HIPK3: variants seen among roughly 807,000 people sequenced by gnomAD.
HIPK3 encodes homeodomain interacting protein kinase 3.
Under a neutral mutation model 124.2 loss-of-function variants are expected in HIPK3, and 47 were observed. That is an observed-to-expected ratio of 0.38 (90% CI 0.30 to 0.48). The LOEUF (loss-of-function observed/expected upper bound fraction) is 0.48, where lower values mean the gene tolerates loss of function less well. Among genes scored for constraint, HIPK3 ranks in the 20% least tolerant of loss-of-function variants. The pLI is 0.98. For missense variants in HIPK3, 1,286 were observed against 1,454.3 expected (o/e 0.88, Z 1.88); for synonymous variants, 482 against 515.2 (o/e 0.94, Z 0.87).
rs781659761 is a variant in HIPK3, at chr11:33,353,167, A to G, written c.3247A>G (p.Thr1083Ala). 2 of 1,613,970 alleles carry G rather than the reference A, an allele frequency of 1.2e-6. No individual in the cohort carries two copies. Among genetic ancestry groups the G allele is most frequent in the Non-Finnish European group, 8.5e-7 (1 of 1,179,964 alleles). Reference protein sequence around the residue: ...GHRRQQAYIPTSVTSNPFTLS... With the variant: ...GHRRQQAYIPASVTSNPFTLS... ...CAGAAGACAGCAAGCTTATATTCCT[A>G]CTAGTGTTACCAGTAATCCATTCAC... Residue 1083 changes from threonine to alanine, a missense_variant, in exon 17 of 17, where the codon ACT becomes GCT. This residue lies in a region of HIPK3 where 810 missense variants were observed against 864.9 expected (regional missense o/e 0.94). Coordinates refer to ENST00000303296, the MANE Select transcript of HIPK3 (RefSeq NM_005734.5).
chr11:33,320,926 G>A (rs1275863292), intron 2 of HIPK3, among the ~76,000 whole-genome samples: 4 of 152,162 alleles, frequency 2.6e-5, no homozygotes, highest in Non-Finnish European at 4.4e-5. Flanking sequence ...GGAGATGTAC[G>A]TTTGGGAGTC....
rs773499448 is a variant in HIPK3, at chr11:33,347,659, G to T, written c.2050G>T (p.Val684Leu). 5 of 1,613,962 alleles carry T rather than the reference G, an allele frequency of 3.1e-6. No homozygotes were observed. The East Asian group carries it at 1.1e-4, about 36-fold the overall frequency. Reference sequence around the variant, plus strand: ...GTCTGGTAGAACACAGCAGATGCTGGTGCCTGCCTGGCAACAGGTGACACC... The same window carrying T: ...GTCTGGTAGAACACAGCAGATGCTGTTGCCTGCCTGGCAACAGGTGACACC... Reference protein sequence around the residue: ...TWSGRTQQMLVPAWQQVTPLA... With the variant: ...TWSGRTQQMLLPAWQQVTPLA... The change falls in exon 10 of 17, where the codon GTG (valine) becomes TTG (leucine). Residue 684 changes from valine to leucine, a missense_variant. By Grantham distance (32) the Val-to-Leu change is conservative. Transcript: ENST00000303296.
At chr11:33,313,603 A>AT (rs1270254338) in intron 2 of HIPK3, among the ~76,000 whole-genome samples, 5 of 152,108 alleles carry the variant, frequency 3.3e-5, no homozygotes, top group Non-Finnish European at 5.9e-5. Context: ...GAATTGTGCT[A>AT]TTTTTTGCAA....
At chr11:33,274,974 C>T (rs1851232667) in intron 1 of HIPK3, among the ~76,000 whole-genome samples, 2 of 152,140 alleles carry the variant, frequency 1.3e-5, no homozygotes, top group Non-Finnish European at 2.9e-5. Context: ...GTAGGCACCT[C>T]AGACAGCAGG....
chr11:33,344,709 G>A (rs266467), intron 8 of HIPK3, among the ~76,000 whole-genome samples: 105,325 of 152,038 alleles, frequency 0.69, 36,598 homozygotes, highest in Non-Finnish European at 0.72. Flanking sequence ...AAGAAGCACA[G>A]TATGTTTTAG....
chr11:33,301,821 G>GACACACAC (rs143389257), intron 2 of HIPK3, among the ~76,000 whole-genome samples: 2,645 of 127,526 alleles, frequency 0.021, 72 homozygotes, highest in African/African-American at 0.04. Context: ...AACCCTGTCT[G>GACACACAC]ACACACACAC....
chr11:33,349,816 G>A (rs1317020576), intron 14 of HIPK3, among the ~76,000 whole-genome samples: 1 of 152,128 alleles, frequency 6.6e-6, no homozygotes, highest in African/African-American at 2.4e-5. Flanking sequence ...ACCTAGGCTG[G>A]AGTGCAATGG....
intron 1 of HIPK3, among the ~76,000 whole-genome samples, chr11:33,267,712 G>A (rs1432589851): frequency 6.7e-6 from 1 of 149,316 alleles, no homozygotes; most frequent in Non-Finnish European, 1.5e-5. Context: ...TAGCCCGGCT[G>A]GTCTCCATCT....
chr11:33,329,098 A>G (rs1852896526), intron 3 of HIPK3, among the ~76,000 whole-genome samples: 1 of 152,102 alleles, frequency 6.6e-6, no homozygotes, highest in African/African-American at 2.4e-5. Flanking sequence ...TGGTGCTGAA[A>G]TTCTCTTTTA....
intron 15 of HIPK3, 118 bp downstream of exon 15, chr11:33,351,961 A>G (rs1253522976): frequency 1.3e-5 from 13 of 1,009,634 alleles, no homozygotes; most frequent in Non-Finnish European, 1.9e-5. Context: ...TGCCTTATGT[A>G]TTGTACAGAG....
chr11:33,342,755 A>T (rs1009644869), intron 8 of HIPK3, among the ~76,000 whole-genome samples: 3 of 152,068 alleles, frequency 2.0e-5, no homozygotes, highest in Admixed American at 6.6e-5. Context: ...GGGTTTTTCC[A>T]TGTTGGTCTT....
intron 2 of HIPK3, among the ~76,000 whole-genome samples, chr11:33,304,222 A>G (rs954792948): frequency 2.0e-5 from 3 of 152,192 alleles, no homozygotes; most frequent in Non-Finnish European, 4.4e-5. Context: ...TATGGGTGTG[A>G]GCCACTGCAC....
At chr11:33,296,565 C>T (rs2133918526) in intron 2 of HIPK3, among the ~76,000 whole-genome samples, 1 of 152,318 alleles carries the variant, frequency 6.6e-6, no homozygotes, top group Non-Finnish European at 1.5e-5. Context: ...GCCATTTTCT[C>T]AACAGCATGC....
At chr11:33,307,127 T>C (rs1852184240) in intron 2 of HIPK3, among the ~76,000 whole-genome samples, 1 of 151,818 alleles carries the variant, frequency 6.6e-6, no homozygotes, top group South Asian at 2.1e-4. Flanking sequence ...TCAGTAGAAA[T>C]GGGGTTTTGC....
chr11:33,270,106 T>A (rs1851082600), intron 1 of HIPK3, among the ~76,000 whole-genome samples: 1 of 152,048 alleles, frequency 6.6e-6, no homozygotes, highest in Non-Finnish European at 1.5e-5. Flanking sequence ...GCTTCCCGAG[T>A]AGCTGGGATT....
chr11:33,305,300 C>T (rs1020942251), intron 2 of HIPK3, among the ~76,000 whole-genome samples: 1 of 152,046 alleles, frequency 6.6e-6, no homozygotes, highest in Non-Finnish European at 1.5e-5. Context: ...CCATGCCTGG[C>T]CTTTTTTTAA....
At chr11:33,286,003 G>T (rs1447500231) in intron 1 of HIPK3, among the ~76,000 whole-genome samples, 1 of 152,134 alleles carries the variant, frequency 6.6e-6, no homozygotes, top group Non-Finnish European at 1.5e-5. Context: ...TTGGACTCCT[G>T]ACCTCAAGTG....
rs146506131 is a variant in HIPK3 at position 33,351,583 on chromosome 11, C to G, written c.2808-25C>G. On this transcript the variant is annotated intron_variant, in intron 14 of 16. Transcript: ENST00000303296. ...TTTAATGTTGGAAAAAAATATCACTCATAAAAAATGCTTTCTTTTTGTAGT... is the reference window on the plus strand; with the variant it reads ...TTTAATGTTGGAAAAAAATATCACTGATAAAAAATGCTTTCTTTTTGTAGT... The G allele has an allele frequency of 1.2e-4, 177 of 1,537,116 alleles. No individual in the cohort carries two copies. The East Asian group carries it at 3.8e-3, about 33-fold the overall frequency.
At position 33,356,392 on chromosome 11, in the gene HIPK3, TTTC is replaced by T. The variant is rs1853816828; in HGVS notation, c.*2828_*2830del. The T allele has an allele frequency of 6.6e-6, 1 of 152,082 alleles. No homozygotes were observed. The highest frequency in any genetic ancestry group is 1.5e-5 in the Non-Finnish European group (1 of 67,916). The allele number at this position is 152,082 out of a possible 1,614,324, so 9.4% of individuals were successfully genotyped here. ...CCTTTTAAAAACCATTTTGACCAGTTTTCTTCGGTTTTAATGCTTTCTTAAATA... is the reference window on the plus strand; with the variant it reads ...CCTTTTAAAAACCATTTTGACCAGTTTTCGGTTTTAATGCTTTCTTAAATA... On this transcript the variant is annotated 3_prime_UTR_variant, in exon 17 of 17. Coordinates refer to ENST00000303296, the MANE Select transcript of HIPK3 (RefSeq NM_005734.5).
Sources: gnomAD v4.1 joint callset for allele counts (sites outside exome capture counted in the v4.1 genomes callset) on GRCh38, gnomAD v4.1.1 for gene constraint, gnomAD v4.1.1 regional missense constraint, MANE v1.5 for transcripts, NCBI Gene and HGNC (gene_info 2026-07-23, HGNC 2026-07-21) for gene names.